B3GALT1: variants seen among roughly 807,000 people sequenced by gnomAD.
The protein encoded by B3GALT1 is UDP-Gal:betaGlcNAc beta 1,3-galactosyltransferase, polypeptide 1.
B3GALT1 carries 10 observed loss-of-function variants against 23.2 expected under a neutral mutation model. That is an observed-to-expected ratio of 0.43 (90% CI 0.27 to 0.73). The LOEUF (loss-of-function observed/expected upper bound fraction) is 0.73, where lower values mean the gene tolerates loss of function less well. Ranked by LOEUF, B3GALT1 falls within the 30% of genes least tolerant of loss-of-function variation. The pLI, the probability that B3GALT1 is intolerant of heterozygous loss-of-function variation, is 0.21. For synonymous variants in B3GALT1, 156 were observed against 141.5 expected (o/e 1.10, Z -0.73); for missense variants, 299 against 405.4 (o/e 0.74, Z 2.25).
In B3GALT1 at chr2:167,771,039, G is replaced by C. The variant is rs554999617; in HGVS notation, c.-351-47633G>C. ...GTAGTACAGAAAGAATAGGCTTTTA[G>C]TCAGCTGTATATTCAAATTACAGCT... On this transcript the variant is annotated intron_variant, in intron 3 of 4. Coordinates refer to ENST00000392690, the MANE Select transcript of B3GALT1 (RefSeq NM_020981.4). 2.0e-5 allele frequency among the ~76,000 whole-genome samples: 3 copies of C among 152,288 alleles called. No homozygotes were observed. The East Asian group carries it at 5.8e-4, about 29-fold the overall frequency.
intron 1 of B3GALT1, among the ~76,000 whole-genome samples, chr2:167,406,353 A>G (rs1190277079): frequency 6.6e-6 from 1 of 152,170 alleles, no homozygotes; most frequent in African/African-American, 2.4e-5. Context: ...AAACAAATAT[A>G]GAGCACCAGA....
chr2:167,649,315 TA>T (rs1317713038), intron 3 of B3GALT1, among the ~76,000 whole-genome samples: 2 of 152,260 alleles, frequency 1.3e-5, no homozygotes, highest in Admixed American at 1.3e-4. Flanking sequence ...AAAATTCATA[TA>T]ACATAAAATT....
intron 3 of B3GALT1, among the ~76,000 whole-genome samples, chr2:167,665,989 T>A (rs2105477687): frequency 6.6e-6 from 1 of 152,346 alleles, no homozygotes; most frequent in East Asian, 1.9e-4. Flanking sequence ...TTTAGTTATT[T>A]CTTGCCTTCT....
intron 1 of B3GALT1, among the ~76,000 whole-genome samples, chr2:167,316,181 T>TGA (rs1553511300): frequency 1.3e-5 from 2 of 151,778 alleles, no homozygotes; most frequent in Non-Finnish European, 2.9e-5. Context: ...CATTAGAATG[T>TGA]TTTCTTTTTC....
chr2:167,663,816 T>G (rs1686118128), intron 3 of B3GALT1, among the ~76,000 whole-genome samples: 1 of 152,186 alleles, frequency 6.6e-6, no homozygotes, highest in Admixed American at 6.5e-5. Flanking sequence ...TTCTTTGTTT[T>G]TTTCTTGTAA....
chr2:167,304,336 T>A (rs190760606), intron 1 of B3GALT1, among the ~76,000 whole-genome samples: 171 of 152,290 alleles, frequency 1.1e-3, no homozygotes, highest in Admixed American at 7.4e-3. Context: ...AAGTATCATG[T>A]ACAGAGTCCC....
chr2:167,601,603 T>G (rs1301353520), intron 2 of B3GALT1, among the ~76,000 whole-genome samples: 2 of 152,196 alleles, frequency 1.3e-5, no homozygotes, highest in Non-Finnish European at 2.9e-5. Flanking sequence ...ATAAATATTA[T>G]TATCCCATTA....
At chr2:167,708,585 T>C (rs1216212336) in intron 3 of B3GALT1, among the ~76,000 whole-genome samples, 1 of 152,094 alleles carries the variant, frequency 6.6e-6, no homozygotes, top group African/African-American at 2.4e-5. Flanking sequence ...CACTTGAAAC[T>C]GGGAAGCAGA....
chr2:167,691,023 T>C (rs1029878600), intron 3 of B3GALT1, among the ~76,000 whole-genome samples: 2 of 152,286 alleles, frequency 1.3e-5, no homozygotes, highest in South Asian at 2.1e-4. Flanking sequence ...AAAATATCAG[T>C]ATTTTAATTA....
intron 2 of B3GALT1, among the ~76,000 whole-genome samples, chr2:167,551,745 C>T (rs1683750937): frequency 6.6e-6 from 1 of 151,972 alleles, no homozygotes; most frequent in African/African-American, 2.4e-5. Context: ...TTCTTAAATT[C>T]ACACAGAGGC....
At chr2:167,531,331 A>T (rs1027340258) in intron 2 of B3GALT1, among the ~76,000 whole-genome samples, 3 of 152,154 alleles carry the variant, frequency 2.0e-5, no homozygotes, top group Non-Finnish European at 4.4e-5. Context: ...AGCAGAAAGG[A>T]TACTGTCAGG....
chr2:167,487,986 C>T (rs1342139392), intron 1 of B3GALT1, among the ~76,000 whole-genome samples: 1 of 152,080 alleles, frequency 6.6e-6, no homozygotes. Context: ...CATGTTATTC[C>T]TGTGGACAGC....
chr2:167,748,204 A>G (rs1351335107), intron 3 of B3GALT1, among the ~76,000 whole-genome samples: 2 of 152,136 alleles, frequency 1.3e-5, no homozygotes, highest in Non-Finnish European at 2.9e-5. Context: ...AGTGTTAAAC[A>G]ATGCTTGATG....
intron 1 of B3GALT1, among the ~76,000 whole-genome samples, chr2:167,323,887 A>T (rs1049886869): frequency 2.0e-5 from 3 of 151,924 alleles, no homozygotes; most frequent in African/African-American, 7.2e-5. Flanking sequence ...ACTCCCTATG[A>T]CATCTGTGAC....
chr2:167,752,634 C>T (rs191264442), intron 3 of B3GALT1, among the ~76,000 whole-genome samples: 1 of 122,972 alleles, frequency 8.1e-6, no homozygotes, highest in South Asian at 2.9e-4. Context: ...TTAGTGGCTT[C>T]TCTAGATAAG....
At chr2:167,572,644 T>A (rs1410719716) in intron 2 of B3GALT1, among the ~76,000 whole-genome samples, 4 of 151,774 alleles carry the variant, frequency 2.6e-5, no homozygotes, top group African/African-American at 7.3e-5. Flanking sequence ...CCGATTGAGG[T>A]CACTACCTCC....
At chr2:167,715,704 C>T (rs1687131514) in intron 3 of B3GALT1, 1 of 1,613,158 alleles carries the variant, frequency 6.2e-7, no homozygotes, top group South Asian at 1.1e-5. Flanking sequence ...GCTTCTGCTG[C>T]CGCCTTCTCA....
At chr2:167,584,042 T>C (rs1317583815) in intron 2 of B3GALT1, among the ~76,000 whole-genome samples, 1 of 95,884 alleles carries the variant, frequency 1.0e-5, no homozygotes, top group Non-Finnish European at 2.1e-5. Context: ...GGGGGTGGGG[T>C]GGCAGGCTGG....
intron 1 of B3GALT1, among the ~76,000 whole-genome samples, chr2:167,455,306 A>G (rs1402703245): frequency 6.6e-6 from 1 of 152,208 alleles, no homozygotes; most frequent in Non-Finnish European, 1.5e-5. Flanking sequence ...CAAGTTTCAT[A>G]GTATTTAAAA....
Sources: gnomAD v4.1 joint callset for allele counts (sites outside exome capture counted in the v4.1 genomes callset) on GRCh38, gnomAD v4.1.1 for gene constraint, MANE v1.5 for transcripts, NCBI Gene and HGNC (gene_info 2026-07-23, HGNC 2026-07-21) for gene names.